The following BRAF variants were observed in gnomAD, a reference collection of about 807,000 sequenced individuals.
The protein encoded by BRAF is serine/threonine-protein kinase B-raf.
Under a neutral mutation model 104.6 loss-of-function variants are expected in BRAF, and 16 were observed. The ratio of observed to expected loss-of-function variants is 0.15; its 90% CI spans 0.10 to 0.23. The LOEUF is 0.23. BRAF is among the 10% of genes least tolerant of loss of function. The probability of loss-of-function intolerance (pLI) is 1.00; values close to 1 mark genes in which losing one functional copy is unlikely to be tolerated. For missense variants in BRAF, 541 were observed against 937.3 expected (o/e 0.58, Z 5.52); for synonymous variants, 310 against 341.6 (o/e 0.91, Z 1.02).
At chr7:140,862,477 G>A (rs867388357) in intron 1 of BRAF, among the ~76,000 whole-genome samples, 26 of 152,184 alleles carry the variant, frequency 1.7e-4, no homozygotes, top group Non-Finnish European at 3.4e-4. Context: ...AAAATATTTG[G>A]AGTTAAAAAC....
intron 17 of BRAF, among the ~76,000 whole-genome samples, chr7:140,747,808 T>G (rs1313550656): frequency 1.3e-5 from 2 of 152,206 alleles, no homozygotes; most frequent in African/African-American, 4.8e-5. Flanking sequence ...CATTGTCAAA[T>G]CAATCATTTC....
At chr7:140,713,403 C>T in the BRAF span, among the ~76,000 whole-genome samples, 6 of 152,180 alleles carry the variant, frequency 3.9e-5, no homozygotes, top group Non-Finnish European at 8.8e-5. Context: ...TTGATCGAAT[C>T]GGCTACTGAG....
chr7:140,916,566 T>C (rs964391365), intron 1 of BRAF, among the ~76,000 whole-genome samples: 1 of 152,256 alleles, frequency 6.6e-6, no homozygotes, highest in Admixed American at 6.5e-5. Context: ...TTTTCCCCTA[T>C]ACACATTTTG....
intron 1 of BRAF, among the ~76,000 whole-genome samples, chr7:140,906,521 A>G (rs996155603): frequency 6.6e-6 from 1 of 152,232 alleles, no homozygotes; most frequent in Admixed American, 6.5e-5. Flanking sequence ...AGTACTTTAT[A>G]CAGTCAACGT....
At chr7:140,843,793 C>T (rs1379308088) in intron 2 of BRAF, among the ~76,000 whole-genome samples, 1 of 152,080 alleles carries the variant, frequency 6.6e-6, no homozygotes, top group Admixed American at 6.5e-5. Context: ...ATCACGAGGT[C>T]AGGAGATCGA....
At chr7:140,757,724 G>A (rs1170944579) in intron 14 of BRAF, among the ~76,000 whole-genome samples, 1 of 152,068 alleles carries the variant, frequency 6.6e-6, no homozygotes, top group Admixed American at 6.6e-5. Flanking sequence ...CTTGTTTCAA[G>A]AGTCTTACGT....
intron 14 of BRAF, among the ~76,000 whole-genome samples, chr7:140,763,709 A>C (rs1051511301): frequency 2.0e-5 from 3 of 152,320 alleles, no homozygotes; most frequent in Admixed American, 6.5e-5. Flanking sequence ...GAAATGGATA[A>C]ATTCCTCGAC....
rs373560312 is a variant in BRAF at position 140,753,235 on chromosome 7, C to A, written c.1980+40G>T. 1.1e-5 allele frequency: 17 copies of A among 1,502,080 alleles called. No individual in the cohort carries two copies. The African/African-American group carries it at 2.1e-4, about 18-fold the overall frequency. The allele number at this position is 1,502,080 out of a possible 1,614,324, so 93.0% of individuals were successfully genotyped here. A position where few individuals can be genotyped will look rare whatever the true frequency, so the allele number is the denominator to read the frequency against. On this transcript the variant is annotated intron_variant, in intron 16 of 19. Coordinates refer to ENST00000644969, the MANE Select transcript of BRAF (RefSeq NM_001374258.1). ...CTAGTAACTCAGCAGCATCTCAGGG[C>A]CAAAAATTTAATCAGTGGAAAAATA... is the stretch of plus-strand genomic sequence containing the variant.
intron 14 of BRAF, among the ~76,000 whole-genome samples, chr7:140,762,298 A>C (rs1798816411): frequency 6.6e-6 from 1 of 152,220 alleles, no homozygotes; most frequent in South Asian, 2.1e-4. Context: ...TACTGGGTAC[A>C]TAACGAAATG....
rs558983666 is a variant in BRAF at position 140,854,653 on chromosome 7, G to A, written c.139-4441C>T. 4.6e-4 allele frequency among the ~76,000 whole-genome samples: 70 copies of A among 152,146 alleles called. 1 individual carries two copies. The East Asian group carries it at 8.3e-3, about 18-fold the overall frequency. ...ATTTTCTTGCTGGGGTATAAAAAAC[G>A]GTTAAGATTGGGCTGGGAGTGGTGG... On this transcript the variant is annotated intron_variant, in intron 1 of 19. Transcript: ENST00000644969.
At chr7:140,747,920 A>G (rs1797481157) in intron 17 of BRAF, among the ~76,000 whole-genome samples, 2 of 152,216 alleles carry the variant, frequency 1.3e-5, no homozygotes, top group Non-Finnish European at 2.9e-5. Flanking sequence ...TGCAGGCTTA[A>G]AACATCAGAT....
chr7:140,868,296 C>T (rs1161375075), intron 1 of BRAF, among the ~76,000 whole-genome samples: 1 of 152,170 alleles, frequency 6.6e-6, no homozygotes, highest in African/African-American at 2.4e-5. Context: ...TTCATAACAG[C>T]ATTATTCACA....
intron 8 of BRAF, among the ~76,000 whole-genome samples, chr7:140,792,174 G>C (rs183295731): frequency 4.7e-4 from 72 of 152,192 alleles, no homozygotes; most frequent in African/African-American, 1.7e-3. Flanking sequence ...CTCTTTCTCA[G>C]CACCAATGCT....
intron 1 of BRAF, among the ~76,000 whole-genome samples, chr7:140,891,505 T>C (rs924827479): frequency 1.3e-5 from 2 of 152,252 alleles, no homozygotes; most frequent in Non-Finnish European, 2.9e-5. Context: ...TGTATTATTG[T>C]ATTACTTTTT....
At chr7:140,760,571 T>A (rs1798610080) in intron 14 of BRAF, among the ~76,000 whole-genome samples, 1 of 151,712 alleles carries the variant, frequency 6.6e-6, no homozygotes, top group African/African-American at 2.4e-5. Flanking sequence ...AGAAGAGGAA[T>A]GAGGTAATAA....
At chr7:140,731,910 G>A (rs952419816) in intron 19 of BRAF, 7 of 151,830 alleles carry the variant, frequency 4.6e-5, no homozygotes, top group South Asian at 2.1e-4. Flanking sequence ...GGTGGCTCAC[G>A]CCTGTAATCC....
chr7:140,828,369 T>C (rs908525828), intron 3 of BRAF, among the ~76,000 whole-genome samples: 3 of 152,212 alleles, frequency 2.0e-5, no homozygotes, highest in African/African-American at 7.2e-5. Flanking sequence ...TCAGCTCCTA[T>C]GCTTTTCTGG....
At chr7:140,821,622 T>C (rs1244003965) in intron 3 of BRAF, among the ~76,000 whole-genome samples, 1 of 152,076 alleles carries the variant, frequency 6.6e-6, no homozygotes, top group Non-Finnish European at 1.5e-5. Context: ...GGAAGGCTTG[T>C]ACACTGTTGG....
intron 19 of BRAF, among the ~76,000 whole-genome samples, chr7:140,727,280 T>C (rs2130836211): frequency 6.6e-6 from 1 of 150,780 alleles, no homozygotes; most frequent in South Asian, 2.1e-4. Flanking sequence ...ACCTCCTGGG[T>C]TCAAGTGATT....
Sources: gnomAD v4.1 joint callset for allele counts (sites outside exome capture counted in the v4.1 genomes callset) on GRCh38, gnomAD v4.1.1 for gene constraint, MANE v1.5 for transcripts, NCBI Gene and HGNC (gene_info 2026-07-23, HGNC 2026-07-21) for gene names.